The following ODAD2 variants were observed in gnomAD, a reference collection of about 807,000 sequenced individuals.
ODAD2 encodes outer dynein arm-docking complex subunit 2.
A neutral mutation model predicts 106.8 loss-of-function variants in ODAD2; 89 were observed. The ratio of observed to expected loss-of-function variants is 0.83; its 90% CI spans 0.70 to 0.99. The LOEUF is 0.99. Ranked by LOEUF, ODAD2 falls within the 50% of genes least tolerant of loss-of-function variation. The probability of loss-of-function intolerance (pLI) is 0.00; values close to 1 mark genes in which losing one functional copy is unlikely to be tolerated. For missense variants in ODAD2, 1,168 were observed against 1,238.5 expected, an observed-to-expected ratio of 0.94 and a Z score of 0.85; for synonymous variants, 404 against 436.2, an observed-to-expected ratio of 0.93 and a Z score of 0.92.
chr10:27,984,399 G>T, intron 4 of ODAD2, 109 bp from the exon 5 acceptor site: 2 of 761,214 alleles, frequency 2.6e-6, no homozygotes, highest in Non-Finnish European at 4.3e-6. Context: ...AATTAAAATT[G>T]CAGTTAATTT....
chr10:27,918,908 TAA>T (rs199821545), intron 16 of ODAD2, among the ~76,000 whole-genome samples: 32 of 142,822 alleles, frequency 2.2e-4, no homozygotes, highest in African/African-American at 7.1e-4. Flanking sequence ...CCATTACTTG[TAA>T]AAAAAAAAAC....
intron 8 of ODAD2, among the ~76,000 whole-genome samples, 191 bp from the exon 9 acceptor site, chr10:27,969,209 T>C (rs537127801): frequency 6.6e-6 from 1 of 152,158 alleles, no homozygotes; most frequent in East Asian, 1.9e-4. Context: ...CCCTATGTTT[T>C]ACATATTGAA....
intron 7 of ODAD2, 68 bp from the exon 8 acceptor site, chr10:27,971,381 G>A: frequency 7.6e-7 from 1 of 1,316,576 alleles, no homozygotes; most frequent in Non-Finnish European, 1.0e-6. Context: ...GAAGATTAAT[G>A]CCAGTGGTAA....
intron 10 of ODAD2, among the ~76,000 whole-genome samples, chr10:27,959,926 T>TAC (rs1361723461): frequency 6.6e-6 from 1 of 152,148 alleles, no homozygotes; most frequent in Non-Finnish European, 1.5e-5. Context: ...CATAATTATA[T>TAC]TGCAACAACA....
At chr10:27,834,578 G>A (rs61843211) in intron 19 of ODAD2, among the ~76,000 whole-genome samples, 1 of 152,166 alleles carries the variant, frequency 6.6e-6, no homozygotes, top group Non-Finnish European at 1.5e-5. Context: ...TGTGCTACGA[G>A]GAAGGATGGT....
chr10:27,933,685 TG>T (rs1845759495), intron 16 of ODAD2, among the ~76,000 whole-genome samples: 3 of 152,198 alleles, frequency 2.0e-5, no homozygotes, highest in Admixed American at 2.0e-4. Flanking sequence ...AAGAAATACA[TG>T]CAGCCATTTC....
intron 17 of ODAD2, among the ~76,000 whole-genome samples, chr10:27,866,930 T>C (rs374726795): frequency 1.3e-5 from 2 of 152,126 alleles, no homozygotes; most frequent in Non-Finnish European, 2.9e-5. Context: ...AATGATGTTA[T>C]AGATGTCAAT....
intron 2 of ODAD2, among the ~76,000 whole-genome samples, chr10:27,989,743 G>A (rs925988995): frequency 6.6e-6 from 1 of 152,192 alleles, no homozygotes; most frequent in Non-Finnish European, 1.5e-5. Flanking sequence ...AGCTACTTGG[G>A]AGGCTGAGGT....
chr10:27,818,598 C>A (rs113570584), intron 19 of ODAD2, among the ~76,000 whole-genome samples: 4 of 152,126 alleles, frequency 2.6e-5, no homozygotes, highest in Non-Finnish European at 5.9e-5. Context: ...GATTTCCATA[C>A]GCAAATGAGA....
chr10:27,974,392 G>A (rs555754334), intron 7 of ODAD2, among the ~76,000 whole-genome samples: 2 of 152,256 alleles, frequency 1.3e-5, no homozygotes, highest in South Asian at 2.1e-4. Context: ...TCCCGCTTGA[G>A]TTGATTTTTG....
Position 27,907,690 on chromosome 10 carries a change from T to A in ODAD2, c.2583A>T (p.Ala861=). The change falls in exon 17 of 20, where the codon GCA becomes GCT. Residue 861 remains alanine (A), a synonymous_variant. Transcript: ENST00000305242. ...HPDVKASAAW[A]LCPCIKNAKD... is the part of the protein sequence containing the mutation. ...TTGCATTTTTGATGCATGGACAGAG[T>A]GCCCATGCTGCGCTGGCCTTCACGT... The A allele has an allele frequency of 6.2e-7, 1 of 1,613,752 alleles. No homozygotes were observed. Among genetic ancestry groups the A allele is most frequent in the South Asian group, 1.1e-5 (1 of 91,070 alleles).
chr10:27,960,624 A>G (rs1459974101), intron 10 of ODAD2, among the ~76,000 whole-genome samples: 1 of 152,058 alleles, frequency 6.6e-6, no homozygotes, highest in Non-Finnish European at 1.5e-5. Context: ...TGCTGGGATT[A>G]TAGGTGTGAG....
intron 7 of ODAD2, among the ~76,000 whole-genome samples, chr10:27,980,448 T>C (rs996664504): frequency 5.3e-5 from 8 of 151,968 alleles, no homozygotes; most frequent in Non-Finnish European, 1.2e-4. Flanking sequence ...TGATAAGGGG[T>C]TAATATTGGG....
chr10:27,863,012 G>A (rs769105694), intron 17 of ODAD2, among the ~76,000 whole-genome samples: 4 of 152,130 alleles, frequency 2.6e-5, no homozygotes, highest in African/African-American at 4.8e-5. Flanking sequence ...TTTCTCTTAG[G>A]AGAAACATAG....
At chr10:27,852,637 A>T (rs2133237671) in intron 19 of ODAD2, among the ~76,000 whole-genome samples, 2 of 152,336 alleles carry the variant, frequency 1.3e-5, no homozygotes, top group Admixed American at 1.3e-4. Flanking sequence ...GATGGGAAAA[A>T]TAGAAAACAA....
chr10:27,954,491 ACGAG>A (rs1180333400), intron 10 of ODAD2, among the ~76,000 whole-genome samples: 3 of 79,974 alleles, frequency 3.8e-5, no homozygotes, highest in African/African-American at 8.0e-5. Flanking sequence ...ATGAATAAAC[ACGAG>A]TGAATGAATG....
chr10:27,877,425 C>T (rs147373967), intron 17 of ODAD2, among the ~76,000 whole-genome samples: 44 of 152,302 alleles, frequency 2.9e-4, no homozygotes, highest in African/African-American at 1.1e-3. Context: ...GTCCCATAAG[C>T]TTCCTAATGA....
chr10:27,915,163 T>G (rs1844272963), intron 16 of ODAD2, among the ~76,000 whole-genome samples: 1 of 151,962 alleles, frequency 6.6e-6, no homozygotes, highest in African/African-American at 2.4e-5. Flanking sequence ...CACATCATAA[T>G]CAAATGGCTG....
At chr10:27,981,349 C>T in intron 7 of ODAD2, 117 bp downstream of exon 7, 1 of 886,152 alleles carries the variant, frequency 1.1e-6, no homozygotes, top group South Asian at 2.5e-5. Flanking sequence ...TAAAAAAAAA[C>T]CACTAATAAT....
Sources: allele counts gnomAD v4.1 joint callset (sites outside exome capture counted in the v4.1 genomes callset), GRCh38; gene constraint gnomAD v4.1.1; transcripts MANE v1.5; gene names NCBI Gene and HGNC (gene_info 2026-07-23, HGNC 2026-07-21).